Variants in ABCA12 observed in about 807,000 individuals in gnomAD.
The protein encoded by ABCA12 is ATP binding cassette subfamily A member 12, also known as glucosylceramide transporter ABCA12.
A neutral mutation model predicts 293.5 loss-of-function variants in ABCA12; 156 were observed. The ratio of observed to expected loss-of-function variants is 0.53; its 90% confidence interval spans 0.47 to 0.61. The LOEUF (loss-of-function observed/expected upper bound fraction) is 0.61. Ranked by LOEUF, ABCA12 falls within the 20% of genes least tolerant of loss-of-function variation. The pLI, the probability that ABCA12 is intolerant of heterozygous loss-of-function variation, is 0.00. For missense variants in ABCA12, 2,797 were observed against 3,090.2 expected (o/e 0.91, Z 2.25); for synonymous variants, 1,063 against 1,108.0 (o/e 0.96, Z 0.81).
intron 15 of ABCA12, chr2:215,013,672 T>C (rs1282280662): frequency 6.5e-6 from 1 of 154,362 alleles, no homozygotes; most frequent in Non-Finnish European, 1.5e-5. Flanking sequence ...AGAGGCATTA[T>C]AAAATTAGAG....
chr2:215,063,321 T>C (rs1701573181), intron 3 of ABCA12, among the ~76,000 whole-genome samples: 1 of 151,930 alleles, frequency 6.6e-6, no homozygotes, highest in Non-Finnish European at 1.5e-5. Flanking sequence ...TAGATAAATA[T>C]AATATTTTCT....
intron 2 of ABCA12, among the ~76,000 whole-genome samples, chr2:215,067,865 T>C (rs1054530539): frequency 6.6e-6 from 1 of 152,182 alleles, no homozygotes; most frequent in Non-Finnish European, 1.5e-5. Flanking sequence ...AAACCACCAG[T>C]TAACTCAACT....
rs190306495 is a variant in ABCA12 at position 215,080,514 on chromosome 2, A to C, written c.164-16295T>G. 7.4e-3 allele frequency among the ~76,000 whole-genome samples: 1,127 copies of C among 152,228 alleles called. 9 individuals are homozygous for C. The highest frequency in any genetic ancestry group is 0.011 in the Non-Finnish European group (778 of 68,008). ...CAAGACTTGGTCTCAAAAAAAAGAA[A>C]AGATGCAACTGAGTCAGAAATTTAT... On this transcript the variant is annotated intron_variant, in intron 2 of 52. Transcript: ENST00000272895.
At chr2:214,964,056 C>G (rs555983172) in intron 39 of ABCA12, among the ~76,000 whole-genome samples, 4 of 152,176 alleles carry the variant, frequency 2.6e-5, no homozygotes, top group Admixed American at 2.0e-4. Flanking sequence ...GCTTTCATCC[C>G]TAGGATGCAA....
In ABCA12 at chr2:215,130,203, C is replaced by T. The variant is rs144946061; in HGVS notation, c.69+7937G>A. Among the ~76,000 whole-genome samples the T allele has an allele frequency of 7.2e-3, 1,087 of 150,380 alleles. 15 individuals are homozygous for T. Among genetic ancestry groups the T allele is most frequent in the African/African-American group, 0.024 (973 of 40,888 alleles). On this transcript the variant is annotated intron_variant, in intron 1 of 52. Transcript: ENST00000272895. ...TTTCCTTAGGAGTACTTTGGCTATT[C>T]GGGCTTTCTCTTGGTTCTATGTAAA...
intron 14 of ABCA12, among the ~76,000 whole-genome samples, chr2:215,016,641 CTT>C (rs1476442914): frequency 7.8e-6 from 1 of 128,666 alleles, no homozygotes; most frequent in Non-Finnish European, 1.6e-5. Flanking sequence ...AAATCTCACT[CTT>C]AATAAATTCA....
intron 3 of ABCA12, among the ~76,000 whole-genome samples, chr2:215,056,602 C>T (rs1701425323): frequency 6.6e-6 from 1 of 152,040 alleles, no homozygotes; most frequent in African/African-American, 2.4e-5. Context: ...CTTCATTTTG[C>T]ATTGACAAGG....
intron 30 of ABCA12, among the ~76,000 whole-genome samples, chr2:214,981,946 TTATTA>T (rs1699668730): frequency 9.0e-6 from 1 of 110,786 alleles, no homozygotes; most frequent in African/African-American, 5.1e-5. Flanking sequence ...GCTGTTTTTA[TTATTA>T]TTATTATTAT....
At chr2:215,125,665 ATTATT>A (rs1280715260) in intron 1 of ABCA12, among the ~76,000 whole-genome samples, 1 of 152,102 alleles carries the variant, frequency 6.6e-6, no homozygotes, top group East Asian at 1.9e-4. Context: ...ACTTCACTGA[ATTATT>A]TTATCAGTTC....
In ABCA12 at chr2:214,931,629, A is replaced by C. The variant is rs1345283143; in HGVS notation, c.*1005T>G. ...AACTTGTATAGATACACACACATAC[A>C]CGCACACACGGTACATAAAGCACCT... On this transcript the variant is annotated 3_prime_UTR_variant, in exon 53 of 53. Coordinates refer to ENST00000272895, the MANE Select transcript of ABCA12 (RefSeq NM_173076.3). 6.6e-6 allele frequency: 1 copy of C among 152,668 alleles called. No individual in the cohort carries two copies. Among genetic ancestry groups the C allele is most frequent in the East Asian group, 1.9e-4 (1 of 5,192 alleles). 9.5% of individuals were successfully genotyped at this position (152,668 alleles called of 1,614,324 possible). A position where few individuals can be genotyped will look rare whatever the true frequency, so the allele number is the denominator to read the frequency against.
rs1699272054 is a variant in ABCA12, at chr2:214,966,869, T to C, written c.5863A>G (p.Lys1955Glu). Residue 1955 changes from lysine to glutamate, a missense_variant, in exon 39 of 53, where the codon AAA (lysine) becomes GAA (glutamate). By Grantham distance (56) the Lys-to-Glu change is moderately conservative. Coordinates refer to ENST00000272895, the MANE Select transcript of ABCA12 (RefSeq NM_173076.3). ...TTACCATGTCGGGCAGCATCGTATT[T>C]TGACATGTTAACTCGCAGAAGGAAA... ...NNFLLRVNMS[K>E]YDAARHGIIM... 1 of 1,613,818 alleles carries C rather than the reference T, an allele frequency of 6.2e-7. No homozygotes were observed. The highest frequency in any genetic ancestry group is 8.5e-7 in the Non-Finnish European group (1 of 1,179,794).
chr2:215,021,508 GA>G (rs766654353), intron 11 of ABCA12, among the ~76,000 whole-genome samples: 40 of 152,144 alleles, frequency 2.6e-4, no homozygotes, highest in Admixed American at 7.2e-4. Context: ...ACATCCTGGG[GA>G]AAAAATAATA....
At chr2:214,986,402 G>C in intron 28 of ABCA12, 140 bp downstream of exon 28, 1 of 897,318 alleles carries the variant, frequency 1.1e-6, no homozygotes, top group Admixed American at 2.1e-5. Flanking sequence ...CCATTCTATA[G>C]CATACAAGTT....
At chr2:215,071,724 G>A (rs1477422359) in intron 2 of ABCA12, among the ~76,000 whole-genome samples, 1 of 152,096 alleles carries the variant, frequency 6.6e-6, no homozygotes, top group Non-Finnish European at 1.5e-5. Flanking sequence ...AAGACACAAG[G>A]CCCCATGGAA....
At position 215,111,591 on chromosome 2, in the gene ABCA12, A is replaced by T; in HGVS notation, c.163+6T>A. On this transcript the variant is annotated splice_donor_region_variant and intron_variant, in intron 2 of 52. Coordinates refer to ENST00000272895, the MANE Select transcript of ABCA12 (RefSeq NM_173076.3). Reference sequence around the variant, plus strand: ...TTAAGGAAATAAACAAATGTCATTTACTTACAAGTTGGTTTTGCAGTTGGA... The same window carrying T: ...TTAAGGAAATAAACAAATGTCATTTTCTTACAAGTTGGTTTTGCAGTTGGA... The T allele has an allele frequency of 6.3e-7, 1 of 1,581,224 alleles. No individual in the cohort carries two copies. Among genetic ancestry groups the T allele is most frequent in the Non-Finnish European group, 8.7e-7 (1 of 1,150,814 alleles).
At chr2:214,961,385 C>T (rs1699109483) in intron 39 of ABCA12, among the ~76,000 whole-genome samples, 2 of 151,970 alleles carry the variant, frequency 1.3e-5, no homozygotes, top group Non-Finnish European at 2.9e-5. Flanking sequence ...ATTCTTTATG[C>T]TCTGTAACTT....
At chr2:215,099,645 A>G (rs1309112990) in intron 2 of ABCA12, among the ~76,000 whole-genome samples, 1 of 151,156 alleles carries the variant, frequency 6.6e-6, no homozygotes, top group Non-Finnish European at 1.5e-5. Context: ...GTGAGCCCAC[A>G]TCACGCCACT....
At chr2:215,093,427 GC>G (rs1357468010) in intron 2 of ABCA12, among the ~76,000 whole-genome samples, 4 of 152,066 alleles carry the variant, frequency 2.6e-5, no homozygotes, top group Non-Finnish European at 5.9e-5. Context: ...CTTAAAAACA[GC>G]CCTAGAAGCT....
intron 28 of ABCA12, among the ~76,000 whole-genome samples, chr2:214,985,642 A>G (rs1699768461): frequency 6.6e-6 from 1 of 152,200 alleles, no homozygotes; most frequent in Non-Finnish European, 1.5e-5. Context: ...CAAATAGCAG[A>G]GGCTGTATGC....
Sources: gnomAD v4.1 joint callset for allele counts (sites outside exome capture counted in the v4.1 genomes callset) on GRCh38, gnomAD v4.1.1 for gene constraint, MANE v1.5 for transcripts, NCBI Gene and HGNC (gene_info 2026-07-23, HGNC 2026-07-21) for gene names.